BICC1: variants seen among roughly 807,000 people sequenced by gnomAD.
BICC1 encodes the protein protein bicaudal C homolog 1.
BICC1 carries 43 observed loss-of-function variants against 111.0 expected under a neutral mutation model. The observed-to-expected ratio is 0.39, with a 90% CI of 0.30 to 0.50. BICC1 has a LOEUF of 0.50. Ranked by LOEUF, BICC1 falls within the 20% of genes least tolerant of loss-of-function variation. The pLI, the probability that BICC1 is intolerant of heterozygous loss-of-function variation, is 0.88. For missense variants in BICC1, 1,091 were observed against 1,203.2 expected (o/e 0.91, Z 1.38); for synonymous variants, 467 against 434.4 (o/e 1.07, Z -0.93).
At chr10:58,541,302 A>G (rs1242983139) in intron 1 of BICC1, among the ~76,000 whole-genome samples, 1 of 152,134 alleles carries the variant, frequency 6.6e-6, no homozygotes, top group Admixed American at 6.6e-5. Context: ...GAAAACCCTA[A>G]TGATTCCACA....
intron 2 of BICC1, among the ~76,000 whole-genome samples, chr10:58,695,080 A>G (rs1056552315): frequency 3.9e-5 from 6 of 152,228 alleles, no homozygotes; most frequent in African/African-American, 1.4e-4. Context: ...ATTGTGAGGA[A>G]TAAATGGAAA....
chr10:58,693,318 C>T (rs1277508208), intron 2 of BICC1, among the ~76,000 whole-genome samples: 3 of 151,940 alleles, frequency 2.0e-5, no homozygotes, highest in Admixed American at 6.6e-5. Flanking sequence ...CCGCTATAAA[C>T]ATACATGTGC....
At chr10:58,769,155 G>A (rs1456599970) in intron 3 of BICC1, among the ~76,000 whole-genome samples, 1 of 151,874 alleles carries the variant, frequency 6.6e-6, no homozygotes, top group Non-Finnish European at 1.5e-5. Flanking sequence ...ATGGGGAGAT[G>A]TTGGTCAAAG....
intron 1 of BICC1, among the ~76,000 whole-genome samples, chr10:58,575,400 G>T (rs1450580632): frequency 2.0e-5 from 3 of 152,102 alleles, no homozygotes; most frequent in Admixed American, 6.6e-5. Context: ...TGCCAGCCCT[G>T]AGAAGTCATT....
intron 1 of BICC1, among the ~76,000 whole-genome samples, chr10:58,601,422 C>T (rs1298556018): frequency 6.6e-6 from 1 of 151,434 alleles, no homozygotes; most frequent in Non-Finnish European, 1.5e-5. Context: ...ATCATCTTTT[C>T]AAATGACCTT....
chr10:58,792,350 G>A (rs1843208202), intron 8 of BICC1, among the ~76,000 whole-genome samples: 1 of 152,166 alleles, frequency 6.6e-6, no homozygotes, highest in African/African-American at 2.4e-5. Flanking sequence ...ACTGCATTAG[G>A]TTAAGTAGGA....
chr10:58,614,131 T>G (rs1487054366), intron 1 of BICC1, among the ~76,000 whole-genome samples: 1 of 152,178 alleles, frequency 6.6e-6, no homozygotes, highest in Non-Finnish European at 1.5e-5. Flanking sequence ...AAATTTGGGC[T>G]CAGAAGAATC....
intron 2 of BICC1, among the ~76,000 whole-genome samples, chr10:58,649,867 G>A (rs1838389651): frequency 6.6e-6 from 1 of 151,906 alleles, no homozygotes; most frequent in Non-Finnish European, 1.5e-5. Context: ...GATTCAGGGG[G>A]TCTGGCTTCC....
intron 1 of BICC1, among the ~76,000 whole-genome samples, chr10:58,560,147 GTT>G (rs886139092): frequency 6.6e-6 from 1 of 151,776 alleles, no homozygotes; most frequent in Non-Finnish European, 1.5e-5. Context: ...ATAAATGTGA[GTT>G]TTTTTATAAG....
At chr10:58,549,573 T>C (rs1371245686) in intron 1 of BICC1, among the ~76,000 whole-genome samples, 1 of 152,198 alleles carries the variant, frequency 6.6e-6, no homozygotes, top group Non-Finnish European at 1.5e-5. Flanking sequence ...TTCGTATGCT[T>C]ATTTGTCATC....
intron 1 of BICC1, among the ~76,000 whole-genome samples, chr10:58,535,289 A>G (rs1842796217): frequency 1.3e-5 from 2 of 151,772 alleles, no homozygotes; most frequent in Non-Finnish European, 2.9e-5. Context: ...TAGTCATCAG[A>G]TTATCTAAAG....
intron 3 of BICC1, among the ~76,000 whole-genome samples, chr10:58,724,383 G>C (rs1361284316): frequency 6.6e-6 from 1 of 152,090 alleles, no homozygotes; most frequent in Non-Finnish European, 1.5e-5. Flanking sequence ...CTGTGTCTGT[G>C]TGTGTGTGTA....
chr10:58,758,231 A>C (rs996215181), intron 3 of BICC1, among the ~76,000 whole-genome samples: 1 of 152,176 alleles, frequency 6.6e-6, no homozygotes, highest in Non-Finnish European at 1.5e-5. Flanking sequence ...AATATAATCC[A>C]TTCATAAGTT....
At chr10:58,612,870 C>G (rs1845476907) in intron 1 of BICC1, among the ~76,000 whole-genome samples, 1 of 152,130 alleles carries the variant, frequency 6.6e-6, no homozygotes, top group Admixed American at 6.5e-5. Flanking sequence ...GATATTTAAA[C>G]AGAAGTTTCC....
intron 18 of BICC1, 106 bp from the exon 19 acceptor site, chr10:58,817,456 C>T: frequency 8.0e-7 from 1 of 1,250,566 alleles, no homozygotes. Flanking sequence ...CTGCCCTATT[C>T]AGCTGAACAA....
chr10:58,560,998 A>G lies in BICC1; in HGVS notation c.190+47665A>G, dbSNP rs549524833. On this transcript the variant is annotated intron_variant, in intron 1 of 20. Coordinates refer to ENST00000373886, the MANE Select transcript of BICC1 (RefSeq NM_001080512.3). Reference sequence around the variant, plus strand: ...TCTCCATGTGCTCATAAGAATGTGTATACAGTAGCTGTTGGATGAAATGTT... The same window carrying G: ...TCTCCATGTGCTCATAAGAATGTGTGTACAGTAGCTGTTGGATGAAATGTT... 8.5e-5 allele frequency among the ~76,000 whole-genome samples: 13 copies of G among 152,148 alleles called. No homozygotes were observed. The South Asian group carries it at 2.7e-3, about 32-fold the overall frequency.
rs915819678 is a variant in BICC1, at chr10:58,716,715, A to G, written c.307+14572A>G. On this transcript the variant is annotated intron_variant, in intron 3 of 20. Transcript: ENST00000373886. ...TATTTCAAAACCCTTACTCTGTAAG[A>G]TAAGTGTAGTTTAATTTTTTTCCCC... 5.8e-4 allele frequency among the ~76,000 whole-genome samples: 85 copies of G among 147,446 alleles called. 5 individuals are homozygous for G. The highest frequency in any genetic ancestry group is 2.3e-3 in the African/African-American group (83 of 36,876).
intron 1 of BICC1, among the ~76,000 whole-genome samples, chr10:58,619,273 T>C (rs1462747190): frequency 6.6e-6 from 1 of 152,194 alleles, no homozygotes; most frequent in African/African-American, 2.4e-5. Flanking sequence ...TTTGTTTTTA[T>C]GTTTTCTCAG....
intron 1 of BICC1, among the ~76,000 whole-genome samples, chr10:58,607,817 T>A (rs1351646428): frequency 6.6e-6 from 1 of 152,228 alleles, no homozygotes; most frequent in Non-Finnish European, 1.5e-5. Flanking sequence ...CATGGCTGTC[T>A]TATGATAGTA....
Sources: allele counts gnomAD v4.1 joint callset (sites outside exome capture counted in the v4.1 genomes callset), GRCh38; gene constraint gnomAD v4.1.1; transcripts MANE v1.5; gene names NCBI Gene and HGNC (gene_info 2026-07-23, HGNC 2026-07-21).